EPB41L3: variants seen among roughly 807,000 people sequenced by gnomAD.
The protein encoded by EPB41L3 is band 4.1-like protein 3.
In EPB41L3, 57 loss-of-function variants were observed where a neutral mutation model predicts 127.1. The ratio of observed to expected loss-of-function variants is 0.45; its 90% CI spans 0.36 to 0.56. EPB41L3 has a LOEUF of 0.56. Ranked by LOEUF, EPB41L3 falls within the 20% of genes least tolerant of loss-of-function variation. The pLI is 0.00. For synonymous variants in EPB41L3, 572 were observed against 549.5 expected (o/e 1.04, Z -0.57); for missense variants, 1,273 against 1,372.2 (o/e 0.93, Z 1.14).
chr18:5,590,656 A>C (rs1038675024), intron 3 of EPB41L3, among the ~76,000 whole-genome samples: 24 of 152,134 alleles, frequency 1.6e-4, no homozygotes, highest in African/African-American at 5.3e-4. Context: ...AAACGATCTA[A>C]ATGTCTTTCA....
rs375162726 is a variant in EPB41L3, at chr18:5,397,240, T to C, written c.2659A>G (p.Thr887Ala). Residue 887 changes from threonine to alanine, a missense_variant, in exon 18 of 23, where the codon ACA (threonine) becomes GCA (alanine). This residue lies in a region of EPB41L3 where 765 missense variants were observed against 782.9 expected (regional missense o/e 0.98). Coordinates refer to ENST00000341928, the MANE Select transcript of EPB41L3 (RefSeq NM_012307.5). The surrounding 1 kb of genome is among the most constrained non-coding windows in gnomAD (Gnocchi z 4.1). ...GAGCCCTCTTTCCCTTTAATGCCTG[T>C]GAATGCGGGCTGTGCTGCAGCATCC... ...SGDAAAQPAF[T>A]GIKGKEGSAL... 1 of 1,614,034 alleles carries C rather than the reference T, an allele frequency of 6.2e-7. No individual in the cohort carries two copies. Among genetic ancestry groups the C allele is most frequent in the African/African-American group, 1.3e-5 (1 of 74,906 alleles).
chr18:5,603,153 G>C (rs1487751694), intron 3 of EPB41L3, among the ~76,000 whole-genome samples: 1 of 151,928 alleles, frequency 6.6e-6, no homozygotes, highest in Non-Finnish European at 1.5e-5. Context: ...TTATTCATCA[G>C]GACTGTTATC....
chr18:5,585,978 A>C (rs11665404), intron 3 of EPB41L3, among the ~76,000 whole-genome samples: 33,399 of 152,024 alleles, frequency 0.22, 3,650 homozygotes, highest in East Asian at 0.39. Context: ...AGTTAACACT[A>C]TTACCTCCCC....
chr18:5,472,020 TCCTA>T, intron 3 of EPB41L3, among the ~76,000 whole-genome samples: 1 of 152,246 alleles, frequency 6.6e-6, no homozygotes, highest in East Asian at 1.9e-4. Flanking sequence ...GAAATAGGAC[TCCTA>T]CTGTTTATAT....
chr18:5,398,346 T>C, intron 16 of EPB41L3: 1 of 633,260 alleles, frequency 1.6e-6, no homozygotes, highest in South Asian at 2.0e-5. Context: ...CAGAGACGGT[T>C]ATTAGGATCA....
intron 1 of EPB41L3, among the ~76,000 whole-genome samples, chr18:5,519,558 G>A (rs1345618832): frequency 2.6e-5 from 4 of 152,146 alleles, no homozygotes; most frequent in African/African-American, 9.7e-5. Context: ...TTTCAAAAGA[G>A]GATGCAAATC....
chr18:5,624,248 G>A (rs767448413), intron 1 of EPB41L3, among the ~76,000 whole-genome samples: 3 of 152,154 alleles, frequency 2.0e-5, no homozygotes, highest in Non-Finnish European at 4.4e-5. Context: ...TCCCACCTCA[G>A]CCTCTGAAAT....
intron 1 of EPB41L3, among the ~76,000 whole-genome samples, chr18:5,614,708 C>A (rs557416082): frequency 1.7e-4 from 26 of 152,226 alleles, no homozygotes; most frequent in Admixed American, 5.9e-4. Context: ...ACTGAGAAAC[C>A]AGAGGCAGGA....
At chr18:5,489,530 T>C (rs569061529) in intron 1 of EPB41L3, among the ~76,000 whole-genome samples, 3 of 152,288 alleles carry the variant, frequency 2.0e-5, no homozygotes, top group East Asian at 3.9e-4. Context: ...ATTAAAAAAA[T>C]TTGCTGTATC....
intron 3 of EPB41L3, among the ~76,000 whole-genome samples, chr18:5,559,186 T>G (rs1291878035): frequency 6.6e-6 from 1 of 152,214 alleles, no homozygotes; most frequent in Non-Finnish European, 1.5e-5. Flanking sequence ...ACACCAAAGT[T>G]GCAGACTAAG....
At chr18:5,512,909 C>T (rs2092596436) in intron 1 of EPB41L3, among the ~76,000 whole-genome samples, 1 of 152,156 alleles carries the variant, frequency 6.6e-6, no homozygotes, top group Non-Finnish European at 1.5e-5. Flanking sequence ...TAAGCCCTGC[C>T]TATATGTAAA....
intron 1 of EPB41L3, among the ~76,000 whole-genome samples, chr18:5,513,393 G>C (rs753750001): frequency 2.0e-5 from 3 of 152,094 alleles, no homozygotes; most frequent in Non-Finnish European, 2.9e-5. Context: ...AAAAGGAAAG[G>C]GTAGGATAGC....
At position 5,476,040 on chromosome 18, in the gene EPB41L3, T is replaced by C. The variant is rs180962131; in HGVS notation, c.381+2201A>G. ...TGTTTATATCAAAACGCAAGAGCCA[T>C]TGTAACATGTTTTTTATTTTTCAAC... On this transcript the variant is annotated intron_variant, in intron 3 of 22. Coordinates refer to ENST00000341928, the MANE Select transcript of EPB41L3 (RefSeq NM_012307.5). Among the ~76,000 whole-genome samples the C allele has an allele frequency of 1.2e-3, 183 of 152,192 alleles. 1 individual carries two copies. The highest frequency in any genetic ancestry group is 4.4e-3 in the Admixed American group (67 of 15,294).
chr18:5,554,924 A>T (rs890889787), intron 3 of EPB41L3, among the ~76,000 whole-genome samples: 1 of 152,222 alleles, frequency 6.6e-6, no homozygotes, highest in African/African-American at 2.4e-5. Context: ...AGATTTAGCC[A>T]CCATCAAGCA....
intron 16 of EPB41L3, among the ~76,000 whole-genome samples, chr18:5,403,148 G>C (rs1262546683): frequency 6.6e-6 from 1 of 152,194 alleles, no homozygotes; most frequent in Non-Finnish European, 1.5e-5. Flanking sequence ...GGAAAGGTCT[G>C]TGGACAGAGG....
intron 3 of EPB41L3, among the ~76,000 whole-genome samples, chr18:5,462,688 C>G (rs190809992): frequency 1.6e-3 from 239 of 152,256 alleles, no homozygotes; most frequent in Non-Finnish European, 2.7e-3. Context: ...AGGTTAGTAT[C>G]CCCCAGAGCT....
chr18:5,397,432 T>A lies in EPB41L3; in HGVS notation c.2473-6A>T, dbSNP rs370314503. The A allele has an allele frequency of 1.9e-6, 3 of 1,600,252 alleles. No homozygotes were observed. The highest frequency in any genetic ancestry group is 1.1e-5 in the South Asian group (1 of 89,432). Reference sequence around the variant, plus strand: ...TCCGTCTTGGTTTCCATTTTCTGCATGGGAAGAGATTGTGGCATCAGTGTG... The same window carrying A: ...TCCGTCTTGGTTTCCATTTTCTGCAAGGGAAGAGATTGTGGCATCAGTGTG... On this transcript the variant is annotated splice_region_variant and splice_polypyrimidine_tract_variant and intron_variant, in intron 17 of 22. Coordinates refer to ENST00000341928, the MANE Select transcript of EPB41L3 (RefSeq NM_012307.5). This position sits in a 1 kb window ranked among gnomAD's most constrained non-coding sequence, Gnocchi z 4.1.
chr18:5,396,974 C>T (rs1199611072), intron 18 of EPB41L3, 84 bp downstream of exon 18: 25 of 1,409,298 alleles, frequency 1.8e-5, no homozygotes, highest in Admixed American at 6.7e-5. Flanking sequence ...TTAAACTTAG[C>T]TCCACCTTTA....
intron 1 of EPB41L3, among the ~76,000 whole-genome samples, chr18:5,531,524 A>T (rs1598719734): frequency 6.6e-6 from 1 of 152,082 alleles, no homozygotes; most frequent in East Asian, 1.9e-4. Flanking sequence ...GGAGTTCAAG[A>T]CCAGCCTGGC....
Sources: allele counts gnomAD v4.1 joint callset (sites outside exome capture counted in the v4.1 genomes callset), GRCh38; gene constraint gnomAD v4.1.1; regional missense constraint gnomAD v4.1.1; non-coding constraint Gnocchi (gnomAD v3.1); transcripts MANE v1.5; gene names NCBI Gene and HGNC (gene_info 2026-07-23, HGNC 2026-07-21).